Variants in SCCPDH observed in about 807,000 individuals in gnomAD.
SCCPDH encodes saccharopine dehydrogenase (putative), also known as saccharopine dehydrogenase-like oxidoreductase.
Under a neutral mutation model 51.5 loss-of-function variants are expected in SCCPDH, and 34 were observed. The observed-to-expected ratio is 0.66, with a 90% CI of 0.50 to 0.88. The LOEUF (loss-of-function observed/expected upper bound fraction) is 0.88. Among genes scored for constraint, SCCPDH ranks in the 40% least tolerant of loss-of-function variants. SCCPDH has a pLI of 0.00. For missense variants in SCCPDH, 464 were observed against 527.1 expected, an observed-to-expected ratio of 0.88 and a Z score of 1.17; for synonymous variants, 187 against 191.3, an observed-to-expected ratio of 0.98 and a Z score of 0.19.
At position 246,726,942 on chromosome 1, in the gene SCCPDH, A is replaced by T. The variant is rs760347792; in HGVS notation, c.241A>T (p.Asn81Tyr). 2 of 1,614,206 alleles carry T rather than the reference A, an allele frequency of 1.2e-6. No individual in the cohort carries two copies. Among genetic ancestry groups the T allele is most frequent in the South Asian group, 2.2e-5 (2 of 91,086 alleles). ...TGGAATCATCATCTGTGATATTGCT[A>T]ATCCAGCCTCGCTTGATGAAATGGC... ...EVGIIICDIA[N>Y]PASLDEMAKQ... The change falls in exon 2 of 12, where the codon AAT becomes TAT. Residue 81 changes from asparagine to tyrosine, a missense_variant. Physicochemically the swap from Asn to Tyr is moderately radical, Grantham distance 143. Transcript: ENST00000366510.
At chr1:246,750,428 G>A (rs187689397) in intron 5 of SCCPDH, among the ~76,000 whole-genome samples, 2 of 152,326 alleles carry the variant, frequency 1.3e-5, no homozygotes, top group Admixed American at 1.3e-4. Context: ...CCGAGGGGCA[G>A]TTCAGATTCT....
At chr1:246,744,019 C>T in intron 4 of SCCPDH, 57 bp from the exon 5 acceptor site, 2 of 1,031,248 alleles carry the variant, frequency 1.9e-6, no homozygotes, top group Non-Finnish European at 3.0e-6. Context: ...TATTACTTAC[C>T]CCAAATAATT....
rs748115854 is a variant in SCCPDH at position 246,767,266 on chromosome 1, T to C, written c.1256T>C (p.Ile419Thr). ...ATTGACAGACTCAACAAACACGGTA[T>C]TGAGTTTAGTGTTATTAGCAGCTCT... ...KLIDRLNKHG[I>T]EFSVISSSEV is the part of the protein sequence containing the mutation. The change falls in exon 12 of 12, where the codon ATT (isoleucine) becomes ACT (threonine). Residue 419 changes from isoleucine to threonine, a missense_variant. Ile to Thr is a moderately conservative substitution (Grantham distance 89). Transcript: ENST00000366510. 3.1e-6 allele frequency: 5 copies of C among 1,610,250 alleles called. No homozygotes were observed. The highest frequency in any genetic ancestry group is 1.7e-5 in the Admixed American group (1 of 59,582).
chr1:246,747,879 G>A lies in SCCPDH; in HGVS notation c.564+3754G>A, dbSNP rs958162176. On this transcript the variant is annotated intron_variant, in intron 5 of 11. Transcript: ENST00000366510. ...GGTTGTTTACTGAAACTAGGGTCAAGGAGACGTAAAGAACGAGGATGTTAA... is the reference window on the plus strand; with the variant it reads ...GGTTGTTTACTGAAACTAGGGTCAAAGAGACGTAAAGAACGAGGATGTTAA... Among the ~76,000 whole-genome samples the A allele has an allele frequency of 3.3e-5, 5 of 152,178 alleles. No individual in the cohort carries two copies. In the East Asian group the frequency reaches 7.7e-4, roughly 23 times the overall value.
intron 2 of SCCPDH, among the ~76,000 whole-genome samples, chr1:246,727,958 G>T (rs6426328): frequency 0.47 from 71,260 of 151,668 alleles, 16,886 homozygotes; most frequent in Admixed American, 0.52. Context: ...GATTTAAATT[G>T]GAAGTTCTTT....
In SCCPDH at chr1:246,736,035, G is replaced by A. The variant is rs770301109; in HGVS notation, c.364G>A (p.Asp122Asn). The A allele has an allele frequency of 6.4e-5, 103 of 1,610,478 alleles. 2 individuals are homozygous for A. The highest frequency in any genetic ancestry group is 2.8e-4 in the South Asian group (25 of 90,832). Residue 122 changes from aspartate to asparagine, a missense_variant, in exon 3 of 12, where the codon GAC (aspartate) becomes AAC (asparagine). Coordinates refer to ENST00000366510, the MANE Select transcript of SCCPDH (RefSeq NM_016002.3). Reference protein sequence around the residue: ...ACIENGASCIDISGEPQFLEL... With the variant: ...ACIENGASCINISGEPQFLEL... ...TATTGAAAATGGAGCCAGTTGTATC[G>A]ACATCAGTGGAGAACCTCAGGTATA...
intron 2 of SCCPDH, 127 bp from the exon 3 acceptor site, chr1:246,735,848 T>C: frequency 1.6e-6 from 1 of 627,784 alleles, no homozygotes; most frequent in Non-Finnish European, 2.8e-6. Context: ...TGAATTTATC[T>C]TTAGGCTATT....
intron 10 of SCCPDH, among the ~76,000 whole-genome samples, chr1:246,764,792 GGTT>G (rs1669065845): frequency 6.6e-6 from 1 of 152,254 alleles, no homozygotes; most frequent in African/African-American, 2.4e-5. Flanking sequence ...GCTTCTGATA[GGTT>G]GTTAAAAGAA....
intron 2 of SCCPDH, among the ~76,000 whole-genome samples, chr1:246,735,693 G>A (rs1178067113): frequency 1.3e-5 from 2 of 152,066 alleles, no homozygotes; most frequent in African/African-American, 4.8e-5. Context: ...CACCACGCCC[G>A]GCTAATTTTT....
intron 3 of SCCPDH, among the ~76,000 whole-genome samples, chr1:246,739,239 C>T (rs1668642959): frequency 1.3e-5 from 2 of 152,094 alleles, no homozygotes; most frequent in Non-Finnish European, 2.9e-5. Flanking sequence ...CAGCATTAAC[C>T]CTGGTAAATC....
intron 3 of SCCPDH, among the ~76,000 whole-genome samples, chr1:246,736,951 A>G (rs1409877754): frequency 1.4e-5 from 2 of 144,778 alleles, no homozygotes; most frequent in Non-Finnish European, 3.0e-5. Context: ...TCACTCAGTA[A>G]TGCACCTAGT....
chr1:246,739,752 A>G (rs1469228494), intron 3 of SCCPDH, among the ~76,000 whole-genome samples: 1 of 152,230 alleles, frequency 6.6e-6, no homozygotes, highest in African/African-American at 2.4e-5. Flanking sequence ...CAGAGCAGAC[A>G]TTATTCCCCT....
At chr1:246,747,049 A>T (rs537956699) in intron 5 of SCCPDH, among the ~76,000 whole-genome samples, 2 of 152,334 alleles carry the variant, frequency 1.3e-5, no homozygotes, top group African/African-American at 2.4e-5. Context: ...AACAAAAAAG[A>T]ATCTATTGAT....
At position 246,766,131 on chromosome 1, in the gene SCCPDH, G is replaced by A; in HGVS notation, c.1176G>A (p.Leu392=). 3.7e-6 allele frequency: 6 copies of A among 1,609,310 alleles called. No homozygotes were observed. The highest frequency in any genetic ancestry group is 5.1e-6 in the Non-Finnish European group (6 of 1,176,596). Residue 392 remains leucine (L), a synonymous_variant, in exon 11 of 12, where the codon CTG becomes CTA. Transcript: ENST00000366510. ...AMTLLSDASH[L]PKAGGVFTPG... Reference sequence around the variant, plus strand: ...CTCTTCTAAGTGATGCTTCTCATCTGCCTAAGGCGTAAGTTTGGTTTTCTT... The same window carrying A: ...CTCTTCTAAGTGATGCTTCTCATCTACCTAAGGCGTAAGTTTGGTTTTCTT...
rs895366186 is a variant in SCCPDH at position 246,764,145 on chromosome 1, C to T, written c.991-101C>T. 5 of 668,054 alleles carry T rather than the reference C, an allele frequency of 7.5e-6. No individual in the cohort carries two copies. The Admixed American group carries it at 8.0e-5, about 11-fold the overall frequency. 41.4% of individuals were successfully genotyped at this position (668,054 alleles called of 1,614,324 possible). A position where few individuals can be genotyped will look rare whatever the true frequency, so the allele number is the denominator to read the frequency against. On this transcript the variant is annotated intron_variant, in intron 9 of 11. Coordinates refer to ENST00000366510, the MANE Select transcript of SCCPDH (RefSeq NM_016002.3). Reference sequence around the variant, plus strand: ...CTGGCAGATAAAATAATGTTTTCATCTATTGACAATGTCTCACTTGAAATA... The same window carrying T: ...CTGGCAGATAAAATAATGTTTTCATTTATTGACAATGTCTCACTTGAAATA...
At chr1:246,754,152 C>G (rs1174074782) in intron 5 of SCCPDH, among the ~76,000 whole-genome samples, 1 of 151,670 alleles carries the variant, frequency 6.6e-6, no homozygotes, top group African/African-American at 2.4e-5. Flanking sequence ...CGCAGAGTAT[C>G]CCGACCACCG....
intron 4 of SCCPDH, among the ~76,000 whole-genome samples, chr1:246,741,285 A>G (rs538954039): frequency 7.2e-5 from 11 of 152,296 alleles, no homozygotes; most frequent in Non-Finnish European, 1.6e-4. Context: ...TATGAAATTA[A>G]AAGTAAAAAG....
intron 2 of SCCPDH, among the ~76,000 whole-genome samples, chr1:246,728,925 A>G (rs778514256): frequency 2.9e-4 from 44 of 152,306 alleles, no homozygotes; most frequent in Admixed American, 1.3e-3. Flanking sequence ...TATTTTCCCT[A>G]AGTGTCAGCC....
At chr1:246,729,526 C>G (rs180883943) in intron 2 of SCCPDH, among the ~76,000 whole-genome samples, 2 of 152,306 alleles carry the variant, frequency 1.3e-5, no homozygotes, top group East Asian at 3.9e-4. Context: ...TGCCCAGTCG[C>G]GCAGGCAGTC....
Sources: allele counts gnomAD v4.1 joint callset (sites outside exome capture counted in the v4.1 genomes callset), GRCh38; gene constraint gnomAD v4.1.1; transcripts MANE v1.5; gene names NCBI Gene and HGNC (gene_info 2026-07-23, HGNC 2026-07-21).